PGCKA1: variants seen among roughly 807,000 people sequenced by gnomAD.
The protein encoded by PGCKA1 is PDCD10 and GCKIII kinases associated 1, also known as PDCD10 and GCKIII kinases-associated protein 1.
At chr4:37,534,992 G>A in the PGCKA1 span, among the ~76,000 whole-genome samples, 2 of 152,298 alleles carry the variant, frequency 1.3e-5, no homozygotes, top group Middle Eastern at 3.4e-3. Context: ...CGCATACTGA[G>A]GATTCAAATG....
the PGCKA1 span, among the ~76,000 whole-genome samples, chr4:37,483,519 C>T: frequency 6.6e-6 from 1 of 152,186 alleles, no homozygotes; most frequent in Non-Finnish European, 1.5e-5. Flanking sequence ...CCATCCTCAG[C>T]ACTCTTCATG....
chr4:37,558,299 C>T, the PGCKA1 span, among the ~76,000 whole-genome samples: 2 of 152,102 alleles, frequency 1.3e-5, no homozygotes, highest in African/African-American at 2.4e-5. Context: ...AATTCTAAAA[C>T]GAGTGTGATA....
At chr4:37,531,891 CAA>C in the PGCKA1 span, among the ~76,000 whole-genome samples, 1,761 of 70,880 alleles carry the variant, frequency 0.025, 28 homozygotes, top group African/African-American at 0.07. Flanking sequence ...GAATCTGTCT[CAA>C]AAAAAAAAAA....
At chr4:37,475,766 A>G in the PGCKA1 span, among the ~76,000 whole-genome samples, 1 of 152,192 alleles carries the variant, frequency 6.6e-6, no homozygotes, top group South Asian at 2.1e-4. Flanking sequence ...AGATTTCTAG[A>G]AAGGGGTTCT....
chr4:37,562,058 A>G, the PGCKA1 span, among the ~76,000 whole-genome samples: 6 of 152,200 alleles, frequency 3.9e-5, no homozygotes, highest in South Asian at 4.1e-4. Context: ...AATGCAAACA[A>G]TGGGTCCATG....
At chr4:37,589,651 C>G in the PGCKA1 span, among the ~76,000 whole-genome samples, 1 of 152,092 alleles carries the variant, frequency 6.6e-6, no homozygotes, top group African/African-American at 2.4e-5. Context: ...TTATCTTTTT[C>G]AAGACTGTCT....
chr4:37,468,857 C>T, the PGCKA1 span, among the ~76,000 whole-genome samples: 1 of 152,028 alleles, frequency 6.6e-6, no homozygotes, highest in Non-Finnish European at 1.5e-5. Context: ...TTTAAGTATC[C>T]ATGTAATGCA....
At chr4:37,546,932 T>G in the PGCKA1 span, among the ~76,000 whole-genome samples, 2 of 152,218 alleles carry the variant, frequency 1.3e-5, no homozygotes, top group Admixed American at 1.3e-4. Context: ...GTAAGACCAG[T>G]CTTTGGAACT....
At chr4:37,478,146 C>T in the PGCKA1 span, among the ~76,000 whole-genome samples, 3 of 105,648 alleles carry the variant, frequency 2.8e-5, no homozygotes, top group Admixed American at 9.4e-5. Context: ...AAAAACACCC[C>T]CCCCCACCGC....
chr4:37,492,742 C>T, the PGCKA1 span, among the ~76,000 whole-genome samples: 1 of 152,154 alleles, frequency 6.6e-6, no homozygotes, highest in Non-Finnish European at 1.5e-5. This position sits in a 1 kb window ranked among gnomAD's most constrained non-coding sequence, Gnocchi z 4.7. Flanking sequence ...AGCAGGTGTA[C>T]TTGCCCAGGT....
chr4:37,535,394 CAG>C, the PGCKA1 span, among the ~76,000 whole-genome samples: 4 of 152,160 alleles, frequency 2.6e-5, no homozygotes, highest in African/African-American at 9.7e-5. Flanking sequence ...TTTCAAAAAA[CAG>C]AATATTTTTT....
At chr4:37,474,114 G>T in the PGCKA1 span, among the ~76,000 whole-genome samples, 157 of 152,246 alleles carry the variant, frequency 1.0e-3, no homozygotes, top group Non-Finnish European at 1.7e-3. Flanking sequence ...CAATGCAACA[G>T]TTTTGAGAGG....
At chr4:37,485,630 AT>A in the PGCKA1 span, among the ~76,000 whole-genome samples, 2,509 of 148,968 alleles carry the variant, frequency 0.017, 84 homozygotes, top group African/African-American at 0.058. Context: ...AAGAGCCAGA[AT>A]TTTTTTTTTT....
chr4:37,564,473 C>T, the PGCKA1 span, among the ~76,000 whole-genome samples: 14 of 151,328 alleles, frequency 9.3e-5, no homozygotes, highest in South Asian at 2.9e-3. Flanking sequence ...ATGAAAGTTA[C>T]CATGCACTGA....
the PGCKA1 span, chr4:37,590,479 A>C: frequency 3.1e-6 from 5 of 1,611,324 alleles, no homozygotes; most frequent in African/African-American, 6.7e-5. Flanking sequence ...AGGAGGGGGC[A>C]CCAGGAAACA....
the PGCKA1 span, among the ~76,000 whole-genome samples, chr4:37,537,254 C>G: frequency 6.6e-6 from 1 of 152,262 alleles, no homozygotes; most frequent in East Asian, 1.9e-4. Context: ...TTTCCTTTTG[C>G]ATTACATGTA....
the PGCKA1 span, among the ~76,000 whole-genome samples, chr4:37,522,412 C>T: frequency 4.6e-5 from 7 of 152,092 alleles, no homozygotes; most frequent in Non-Finnish European, 1.0e-4. Flanking sequence ...TTCCTTAAGA[C>T]CCAAGGGCTC....
the PGCKA1 span, among the ~76,000 whole-genome samples, chr4:37,559,037 C>T: frequency 3.3e-4 from 6 of 18,160 alleles, no homozygotes; most frequent in South Asian, 2.9e-3. Context: ...GTCAGTGTGG[C>T]GATTCCTCAG....
chr4:37,492,103 G>A, the PGCKA1 span, among the ~76,000 whole-genome samples: 1,350 of 151,262 alleles, frequency 8.9e-3, 20 homozygotes, highest in African/African-American at 0.031. This position sits in a 1 kb window ranked among gnomAD's most constrained non-coding sequence, Gnocchi z 4.7. Flanking sequence ...GTGCAGTGGC[G>A]TGATCTTGGT....
Sources: allele counts gnomAD v4.1 joint callset (sites outside exome capture counted in the v4.1 genomes callset), GRCh38; gene constraint gnomAD v4.1.1; non-coding constraint Gnocchi (gnomAD v3.1); transcripts MANE v1.5; gene names NCBI Gene and HGNC (gene_info 2026-07-23, HGNC 2026-07-21).